The following CTNNA2 variants were observed in gnomAD, a reference collection of about 807,000 sequenced individuals.
CTNNA2 encodes the protein catenin alpha-2.
In CTNNA2, 42 loss-of-function variants were observed where a neutral mutation model predicts 101.0. That is an observed-to-expected ratio of 0.42 (90% CI 0.32 to 0.54). CTNNA2 has a LOEUF of 0.54. Ranked by LOEUF, CTNNA2 falls within the 20% of genes least tolerant of loss-of-function variation. The probability of loss-of-function intolerance (pLI) is 0.14; values close to 1 mark genes in which losing one functional copy is unlikely to be tolerated. For synonymous variants in CTNNA2, 450 were observed against 456.4 expected (o/e 0.99, Z 0.18); for missense variants, 871 against 1,223.1 (o/e 0.71, Z 4.29).
chr2:80,354,996 G>A (rs1024702596), intron 7 of CTNNA2, among the ~76,000 whole-genome samples: 2 of 151,958 alleles, frequency 1.3e-5, no homozygotes, highest in African/African-American at 4.8e-5. Context: ...TAGGATTCAT[G>A]GTGTTTATTT....
intron 3 of CTNNA2, among the ~76,000 whole-genome samples, chr2:79,767,178 A>G (rs1180342127): frequency 6.6e-6 from 1 of 151,842 alleles, no homozygotes; most frequent in African/African-American, 2.4e-5. Flanking sequence ...TTGGCTCCCT[A>G]ATTACTTCTT....
intron 7 of CTNNA2, among the ~76,000 whole-genome samples, chr2:80,383,190 T>C (rs1428307600): frequency 6.6e-6 from 1 of 152,178 alleles, no homozygotes; most frequent in East Asian, 1.9e-4. Context: ...ATAAAATAAA[T>C]CAAGGAACAA....
At chr2:80,646,389 C>G (rs1006315601) in intron 18 of CTNNA2, among the ~76,000 whole-genome samples, 1 of 152,084 alleles carries the variant, frequency 6.6e-6, no homozygotes, top group African/African-American at 2.4e-5. Flanking sequence ...TCAGACTATG[C>G]TCAAACATCC....
chr2:80,044,362 G>A (rs1696375914), intron 7 of CTNNA2, among the ~76,000 whole-genome samples: 1 of 130,194 alleles, frequency 7.7e-6, no homozygotes, highest in South Asian at 2.5e-4. Context: ...GCATTTATGA[G>A]GATGCAAATG....
chr2:79,897,378 G>C (rs1342454152), intron 6 of CTNNA2, among the ~76,000 whole-genome samples: 1 of 151,324 alleles, frequency 6.6e-6, no homozygotes, highest in Non-Finnish European at 1.5e-5. Context: ...GGAAATGGGA[G>C]ATGATCATGA....
At chr2:80,322,022 A>G (rs1422884724) in intron 7 of CTNNA2, among the ~76,000 whole-genome samples, 1 of 152,192 alleles carries the variant, frequency 6.6e-6, no homozygotes, top group Admixed American at 6.5e-5. Context: ...ACAACAGAAC[A>G]AAACATCATT....
chr2:80,574,431 T>G (rs1358252553), intron 13 of CTNNA2, 117 bp downstream of exon 13: 1 of 1,264,158 alleles, frequency 7.9e-7, no homozygotes, highest in Non-Finnish European at 1.1e-6. Flanking sequence ...GTAAGCTGTT[T>G]GGCTCCTTAT....
intron 2 of CTNNA2, among the ~76,000 whole-genome samples, chr2:79,723,159 C>G (rs1016706243): frequency 6.3e-5 from 8 of 127,740 alleles, no homozygotes; most frequent in Non-Finnish European, 8.0e-5. Context: ...TTTCCTACCC[C>G]CTATAGACCT....
intron 18 of CTNNA2, among the ~76,000 whole-genome samples, chr2:80,637,552 G>A (rs1673013122): frequency 1.3e-5 from 2 of 152,256 alleles, no homozygotes; most frequent in South Asian, 2.1e-4. Flanking sequence ...GGGTCCCAAG[G>A]AGAGGCAGCA....
At chr2:80,081,122 G>A (rs927163350) in intron 7 of CTNNA2, among the ~76,000 whole-genome samples, 5 of 149,972 alleles carry the variant, frequency 3.3e-5, no homozygotes, top group South Asian at 2.1e-4. Flanking sequence ...AAGCGTGGTC[G>A]GGTGAGGAGC....
chr2:80,146,222 C>T (rs1703324350), intron 7 of CTNNA2, among the ~76,000 whole-genome samples: 1 of 152,210 alleles, frequency 6.6e-6, no homozygotes, highest in Non-Finnish European at 1.5e-5. Context: ...TGTTCTGCAG[C>T]CCTAGCCAAT....
At chr2:79,515,864 C>G (rs1363148298) in intron 1 of CTNNA2, among the ~76,000 whole-genome samples, 6 of 152,088 alleles carry the variant, frequency 3.9e-5, no homozygotes, top group Admixed American at 3.3e-4. Flanking sequence ...CTTATGGACC[C>G]CTGTAAAATG....
rs67347678 is a variant in CTNNA2 at position 79,777,327 on chromosome 2, ATGTGTGTGTGTGTGTGTGTGTGTG to A, written c.298+32771_298+32794del. ...TCTTAGCCCATACCAAACACTTGTT[ATGTGTGTGTGTGTGTGTGTGTGTG>A]TGTGTGTGTGTGTGTGTGTGTGTGT... On this transcript the variant is annotated intron_variant, in intron 3 of 18. Coordinates refer to ENST00000402739, the MANE Select transcript of CTNNA2 (RefSeq NM_001282597.3). Among the ~76,000 whole-genome samples, 12 of 139,688 alleles carry A rather than the reference ATGTGTGTGTGTGTGTGTGTGTGTG, an allele frequency of 8.6e-5. No individual in the cohort carries two copies. The South Asian group carries it at 9.5e-4, about 11-fold the overall frequency. The allele number at this position is 139,688 out of a possible 152,430, so 91.6% of individuals were successfully genotyped here. A position where few individuals can be genotyped will look rare whatever the true frequency, so the allele number is the denominator to read the frequency against.
At chr2:80,606,812 G>C (rs1360338271) in intron 16 of CTNNA2, among the ~76,000 whole-genome samples, 1 of 151,762 alleles carries the variant, frequency 6.6e-6, no homozygotes, top group Non-Finnish European at 1.5e-5. Context: ...TTTAATTACT[G>C]TTCCATTGAG....
At chr2:80,328,925 A>G (rs571090208) in intron 7 of CTNNA2, among the ~76,000 whole-genome samples, 95 of 152,314 alleles carry the variant, frequency 6.2e-4, no homozygotes, top group South Asian at 3.3e-3. Context: ...AGGACCATGT[A>G]TCAGGTTTCT....
intron 4 of CTNNA2, among the ~76,000 whole-genome samples, chr2:79,396,848 T>C (rs1678238854): frequency 6.6e-6 from 1 of 152,204 alleles, no homozygotes; most frequent in South Asian, 2.1e-4. Flanking sequence ...CTAATCAGCA[T>C]GTTGCTCTCC....
intron 4 of CTNNA2, among the ~76,000 whole-genome samples, chr2:79,423,010 C>A (rs980747066): frequency 2.0e-5 from 3 of 152,124 alleles, no homozygotes; most frequent in African/African-American, 7.2e-5. Context: ...TTGTTTGACT[C>A]TCCTTTGTTG....
intron 3 of CTNNA2, among the ~76,000 whole-genome samples, chr2:79,765,027 T>A (rs990943404): frequency 3.9e-5 from 6 of 152,138 alleles, no homozygotes; most frequent in Non-Finnish European, 2.9e-5. Flanking sequence ...AAATGGAACT[T>A]AAGGATCAGA....
chr2:79,673,397 A>G (rs969086139), intron 2 of CTNNA2, among the ~76,000 whole-genome samples: 10 of 152,142 alleles, frequency 6.6e-5, no homozygotes, highest in African/African-American at 2.2e-4. Flanking sequence ...TTGAATTTCC[A>G]TATATTGGGA....
Sources: gnomAD v4.1 joint callset for allele counts (sites outside exome capture counted in the v4.1 genomes callset) on GRCh38, gnomAD v4.1.1 for gene constraint, MANE v1.5 for transcripts, NCBI Gene and HGNC (gene_info 2026-07-23, HGNC 2026-07-21) for gene names.